DTNA: variants seen among roughly 807,000 people sequenced by gnomAD.
DTNA encodes the protein dystrophin-related protein 3.
Under a neutral mutation model 100.7 loss-of-function variants are expected in DTNA, and 43 were observed. The ratio of observed to expected loss-of-function variants is 0.43; its 90% CI spans 0.33 to 0.55. The LOEUF is 0.55. Ranked by LOEUF, DTNA falls within the 20% of genes least tolerant of loss-of-function variation. The pLI is 0.04. For synonymous variants in DTNA, 349 were observed against 347.9 expected (o/e 1.00, Z -0.04); for missense variants, 798 against 953.9 (o/e 0.84, Z 2.15).
chr18:34,875,795 G>A (rs991922738), intron 18 of DTNA, among the ~76,000 whole-genome samples: 2 of 152,000 alleles, frequency 1.3e-5, no homozygotes, highest in Non-Finnish European at 2.9e-5. Context: ...TTAGCAATGA[G>A]GTAACCAAGA....
chr18:34,583,802 A>T (rs1448602947), intron 1 of DTNA, among the ~76,000 whole-genome samples: 1 of 152,162 alleles, frequency 6.6e-6, no homozygotes, highest in Non-Finnish European at 1.5e-5. Context: ...TGAAATTCTT[A>T]ACAAGAACAC....
chr18:34,745,892 T>A (rs2091490166), intron 1 of DTNA, among the ~76,000 whole-genome samples: 1 of 152,130 alleles, frequency 6.6e-6, no homozygotes, highest in Non-Finnish European at 1.5e-5. Context: ...CATCAGCTCA[T>A]TAAAGGGTCT....
chr18:34,720,019 C>T (rs1284085329), intron 1 of DTNA, among the ~76,000 whole-genome samples: 2 of 152,212 alleles, frequency 1.3e-5, no homozygotes, highest in South Asian at 4.1e-4. Context: ...TTGTTCATTG[C>T]CGTCTTACTA....
intron 7 of DTNA, among the ~76,000 whole-genome samples, chr18:34,816,844 G>A (rs548503853): frequency 1.2e-3 from 186 of 152,038 alleles, no homozygotes; most frequent in Non-Finnish European, 2.2e-3. Flanking sequence ...AGAATTTTTA[G>A]CATCTGCCCT....
intron 1 of DTNA, among the ~76,000 whole-genome samples, chr18:34,715,230 G>A (rs954116484): frequency 6.6e-6 from 1 of 151,794 alleles, no homozygotes; most frequent in African/African-American, 2.4e-5. Context: ...AAAAAAAAAT[G>A]ATTAAACTTA....
At chr18:34,691,128 A>C (rs1328789392) in intron 1 of DTNA, among the ~76,000 whole-genome samples, 1 of 152,208 alleles carries the variant, frequency 6.6e-6, no homozygotes, top group East Asian at 1.9e-4. Flanking sequence ...GTATTACTTA[A>C]AAACATTCTG....
At position 34,859,046 on chromosome 18, in the gene DTNA, C is replaced by G. The variant is rs528960322; in HGVS notation, c.1646+648C>G. Among the ~76,000 whole-genome samples the G allele has an allele frequency of 4.3e-4, 65 of 152,316 alleles. 1 individual carries two copies. Among genetic ancestry groups the G allele is most frequent in the South Asian group, 2.7e-3 (13 of 4,822 alleles). ...TTTACCCCTAACTCATAAAAGGAGT[C>G]TGATTTTCTCTAAGTCTTGGTCTCT... On this transcript the variant is annotated intron_variant, in intron 16 of 22. Transcript: ENST00000444659.
chr18:34,643,067 CA>C lies in DTNA; in HGVS notation c.-1-112901del, dbSNP rs975165628. Among the ~76,000 whole-genome samples the C allele has an allele frequency of 5.3e-5, 8 of 151,694 alleles. No homozygotes were observed. In the South Asian group the frequency reaches 1.0e-3, roughly 20 times the overall value. ...AGTATTAGGTATAACTGGAAACAAA[CA>C]AAAAAAAGGAATTTGACGACTATTT... On this transcript the variant is annotated intron_variant, in intron 1 of 19. Coordinates refer to the DTNA transcript ENST00000283365.
At chr18:34,727,993 A>G (rs1378507801) in intron 1 of DTNA, among the ~76,000 whole-genome samples, 1 of 152,232 alleles carries the variant, frequency 6.6e-6, no homozygotes, top group African/African-American at 2.4e-5. Context: ...AAAGCAAGGT[A>G]TCCTTAATGA....
At chr18:34,769,062 A>G (rs974705955) in intron 3 of DTNA, among the ~76,000 whole-genome samples, 3 of 152,162 alleles carry the variant, frequency 2.0e-5, no homozygotes, top group African/African-American at 7.2e-5. Flanking sequence ...AAAAGATATT[A>G]CATTCTACAA....
At chr18:34,798,653 T>C (rs900637715) in intron 4 of DTNA, among the ~76,000 whole-genome samples, 5 of 152,174 alleles carry the variant, frequency 3.3e-5, no homozygotes, top group Admixed American at 1.3e-4. Context: ...ATATACTCAG[T>C]CACTCAAAAA....
At chr18:34,877,865 TA>T in intron 19 of DTNA, 57 bp downstream of exon 19, 1 of 1,422,470 alleles carries the variant, frequency 7.0e-7, no homozygotes, top group East Asian at 2.3e-5. Context: ...CCATAAGTGC[TA>T]GGGGTCTCTC....
intron 1 of DTNA, among the ~76,000 whole-genome samples, chr18:34,668,359 A>C (rs528224120): frequency 6.6e-6 from 1 of 152,026 alleles, no homozygotes; most frequent in South Asian, 2.1e-4. Flanking sequence ...AATTTTGTTG[A>C]TCTTTTCAAA....
chr18:34,794,398 C>G lies in DTNA; in HGVS notation c.362+148C>G, dbSNP rs1386338962. 61 of 876,496 alleles carry G rather than the reference C, an allele frequency of 7.0e-5. No individual in the cohort carries two copies. In the East Asian group the frequency reaches 1.5e-3, roughly 21 times the overall value. The allele number at this position is 876,496 out of a possible 1,614,324, so 54.3% of individuals were successfully genotyped here. A position where few individuals can be genotyped will look rare whatever the true frequency, so the allele number is the denominator to read the frequency against. On this transcript the variant is annotated intron_variant, in intron 4 of 22. Coordinates refer to ENST00000444659, the MANE Select transcript of DTNA (RefSeq NM_001386795.1). ...CAGTGGATGCTTATGTCAGTAAAGTCTCCATGTGTTTAATATAAATTTTAA... is the reference window on the plus strand; with the variant it reads ...CAGTGGATGCTTATGTCAGTAAAGTGTCCATGTGTTTAATATAAATTTTAA...
chr18:34,743,365 A>T (rs1245567840), intron 1 of DTNA, among the ~76,000 whole-genome samples: 2 of 152,224 alleles, frequency 1.3e-5, no homozygotes, highest in East Asian at 3.9e-4. Context: ...CTGTGTTTTC[A>T]TTGTATAACA....
intron 1 of DTNA, among the ~76,000 whole-genome samples, chr18:34,657,455 A>G (rs1356539394): frequency 1.3e-5 from 2 of 152,224 alleles, no homozygotes; most frequent in African/African-American, 2.4e-5. Context: ...GAGTTAAGAA[A>G]CAATTTCCTT....
chr18:34,621,851 G>A (rs923233983), intron 1 of DTNA, among the ~76,000 whole-genome samples: 1 of 152,038 alleles, frequency 6.6e-6, no homozygotes, highest in African/African-American at 2.4e-5. Flanking sequence ...ATGAAGTGAT[G>A]CATATGTTAA....
chr18:34,851,471 G>A (rs562703141), intron 14 of DTNA, among the ~76,000 whole-genome samples: 3 of 152,334 alleles, frequency 2.0e-5, no homozygotes, highest in African/African-American at 4.8e-5. Context: ...CCTCTCAACA[G>A]TGCAACATCT....
chr18:34,495,171 C>T (rs1163555841), intron 1 of DTNA, among the ~76,000 whole-genome samples: 3 of 152,196 alleles, frequency 2.0e-5, no homozygotes, highest in Admixed American at 6.5e-5. Context: ...TCTATACTGA[C>T]CACATCTTTC....
Sources: allele counts gnomAD v4.1 joint callset (sites outside exome capture counted in the v4.1 genomes callset), GRCh38; gene constraint gnomAD v4.1.1; transcripts MANE v1.5; gene names NCBI Gene and HGNC (gene_info 2026-07-23, HGNC 2026-07-21).